The following PLPP4 variants were observed in gnomAD, a reference collection of about 807,000 sequenced individuals.
The protein encoded by PLPP4 is phospholipid phosphatase 4, also known as diacylglycerol pyrophosphate like 2.
In PLPP4, 20 loss-of-function variants were observed where a neutral mutation model predicts 32.2. The ratio of observed to expected loss-of-function variants is 0.62; its 90% CI spans 0.44 to 0.90. PLPP4 has a LOEUF of 0.90. Ranked by LOEUF, PLPP4 falls within the 40% of genes least tolerant of loss-of-function variation. The pLI is 0.00. For missense variants in PLPP4, 257 were observed against 353.1 expected (o/e 0.73, Z 2.18); for synonymous variants, 127 against 133.0 (o/e 0.95, Z 0.31).
At chr10:120,542,903 G>T (rs1847420008) in intron 5 of PLPP4, among the ~76,000 whole-genome samples, 1 of 152,198 alleles carries the variant, frequency 6.6e-6, no homozygotes, top group South Asian at 2.1e-4. Context: ...GATGAGGTTT[G>T]CTTCTCCCAG....
intron 5 of PLPP4, among the ~76,000 whole-genome samples, chr10:120,562,891 G>A (rs1233519446): frequency 1.3e-5 from 2 of 152,138 alleles, no homozygotes; most frequent in African/African-American, 4.8e-5. Flanking sequence ...TAAGACAGAT[G>A]TACAAAATAG....
chr10:120,457,279 C>A lies in PLPP4; in HGVS notation c.-27C>A, dbSNP rs1402727773. On this transcript the variant is annotated 5_prime_UTR_variant, in exon 1 of 7. Transcript: ENST00000398250. ...GGGAGCCGCGGAGAGCACCAGCTGA[C>A]GCCGCGGGAGCTGCTCCGGCCGCAC... 2.7e-6 allele frequency: 4 copies of A among 1,474,916 alleles called. No homozygotes were observed. The African/African-American group carries it at 4.4e-5, about 16-fold the overall frequency. The allele number at this position is 1,474,916 out of a possible 1,614,324, so 91.4% of individuals were successfully genotyped here.
chr10:120,554,764 AG>A (rs35805518), intron 5 of PLPP4, among the ~76,000 whole-genome samples: 7,945 of 152,108 alleles, frequency 0.052, 290 homozygotes, highest in Middle Eastern at 0.14. Context: ...GTGAAGGTGG[AG>A]GTGCTACCCG....
chr10:120,570,984 A>G (rs575023944), intron 5 of PLPP4, among the ~76,000 whole-genome samples: 78 of 152,210 alleles, frequency 5.1e-4, no homozygotes, highest in Non-Finnish European at 9.6e-4. Context: ...AATATTAACA[A>G]TCAGCTGCTA....
intron 5 of PLPP4, among the ~76,000 whole-genome samples, chr10:120,558,661 C>G (rs1848276728): frequency 6.6e-6 from 1 of 152,248 alleles, no homozygotes; most frequent in Non-Finnish European, 1.5e-5. Context: ...AAGTGATCCG[C>G]CCACCTTGGC....
chr10:120,537,992 TTCTCTCTCTCTC>T (rs1158226991), intron 5 of PLPP4, among the ~76,000 whole-genome samples: 519 of 18,948 alleles, frequency 0.027, 66 homozygotes, highest in African/African-American at 0.03. Context: ...ACCAGGCCCT[TTCTCTCTCTCTC>T]TCTCTCTCTC....
chr10:120,475,814 A>G (rs1334325603), intron 1 of PLPP4, among the ~76,000 whole-genome samples: 1 of 152,208 alleles, frequency 6.6e-6, no homozygotes, highest in Non-Finnish European at 1.5e-5. Flanking sequence ...ACATGTCACA[A>G]TGGGAATAGC....
At chr10:120,589,206 C>G (rs931118075) in intron 6 of PLPP4, 97 bp from the exon 7 acceptor site, 11 of 1,226,320 alleles carry the variant, frequency 9.0e-6, no homozygotes, top group Admixed American at 1.8e-5. Flanking sequence ...CAAACCAGGT[C>G]CTAGAACAGG....
intron 1 of PLPP4, among the ~76,000 whole-genome samples, chr10:120,472,637 A>G (rs1848568069): frequency 6.6e-6 from 1 of 152,152 alleles, no homozygotes; most frequent in Non-Finnish European, 1.5e-5. Flanking sequence ...CATCAATTAA[A>G]TAGTCCTAAG....
intron 5 of PLPP4, among the ~76,000 whole-genome samples, chr10:120,549,105 G>A (rs1010762193): frequency 4.7e-5 from 7 of 149,528 alleles, no homozygotes; most frequent in Non-Finnish European, 7.5e-5. Flanking sequence ...TATTATTATT[G>A]TTATTTAATA....
At chr10:120,463,217 GTA>G (rs1848150084) in intron 1 of PLPP4, among the ~76,000 whole-genome samples, 3 of 151,890 alleles carry the variant, frequency 2.0e-5, no homozygotes, top group African/African-American at 7.3e-5. Context: ...TAGTAGAGAC[GTA>G]GTTTCACCAT....
At chr10:120,461,241 A>G (rs1431233001) in intron 1 of PLPP4, among the ~76,000 whole-genome samples, 1 of 152,242 alleles carries the variant, frequency 6.6e-6, no homozygotes, top group Non-Finnish European at 1.5e-5. Flanking sequence ...CGGTGAGAAC[A>G]TCAATTGTAG....
At chr10:120,586,846 G>A (rs1026491971) in intron 6 of PLPP4, among the ~76,000 whole-genome samples, 7 of 152,114 alleles carry the variant, frequency 4.6e-5, no homozygotes, top group African/African-American at 1.7e-4. Context: ...ATGTGTAACT[G>A]GGAGACTTGG....
intron 5 of PLPP4, 83 bp from the exon 6 acceptor site, chr10:120,575,048 A>G: frequency 6.9e-7 from 1 of 1,456,394 alleles, no homozygotes; most frequent in Non-Finnish European, 9.4e-7. Flanking sequence ...GGTGTGCAAG[A>G]CGGCAGACGG....
At chr10:120,584,514 A>G (rs1290930395) in intron 6 of PLPP4, among the ~76,000 whole-genome samples, 2 of 152,230 alleles carry the variant, frequency 1.3e-5, no homozygotes, top group Admixed American at 6.5e-5. Flanking sequence ...GTGCTACGTA[A>G]GGAGACAGAA....
chr10:120,490,760 A>G (rs1844683885), intron 1 of PLPP4, among the ~76,000 whole-genome samples: 1 of 152,222 alleles, frequency 6.6e-6, no homozygotes, highest in Non-Finnish European at 1.5e-5. Context: ...GGAGCAGCAG[A>G]AAGGCCTGAT....
At chr10:120,568,960 C>T (rs776038152) in intron 5 of PLPP4, among the ~76,000 whole-genome samples, 43 of 152,262 alleles carry the variant, frequency 2.8e-4, no homozygotes, top group Admixed American at 4.6e-4. Flanking sequence ...AATCCCCAAC[C>T]AGGTGCGGTG....
intron 1 of PLPP4, among the ~76,000 whole-genome samples, chr10:120,463,457 C>CTCAT (rs1303805366): frequency 6.6e-6 from 1 of 152,184 alleles, no homozygotes; most frequent in African/African-American, 2.4e-5. Flanking sequence ...ATCTCTGAAC[C>CTCAT]TCAGTTTCTT....
At chr10:120,485,783 T>C (rs1844420445) in intron 1 of PLPP4, among the ~76,000 whole-genome samples, 1 of 152,254 alleles carries the variant, frequency 6.6e-6, no homozygotes, top group African/African-American at 2.4e-5. Flanking sequence ...GTTCACCTCC[T>C]GAGTTGCTGC....
Sources: allele counts gnomAD v4.1 joint callset (sites outside exome capture counted in the v4.1 genomes callset), GRCh38; gene constraint gnomAD v4.1.1; transcripts MANE v1.5; gene names NCBI Gene and HGNC (gene_info 2026-07-23, HGNC 2026-07-21).